The following STEAP3 variants were observed in gnomAD, a reference collection of about 807,000 sequenced individuals.
The protein encoded by STEAP3 is STEAP3 metalloreductase.
In STEAP3, 35 loss-of-function variants were observed where a neutral mutation model predicts 34.9. The ratio of observed to expected loss-of-function variants is 1.00; its 90% confidence interval spans 0.76 to 1.33. STEAP3 has a LOEUF of 1.33. Among genes scored for constraint, STEAP3 ranks in the 40% most tolerant of loss-of-function variants. STEAP3 has a pLI of 0.00. For synonymous variants in STEAP3, 281 were observed against 301.6 expected (o/e 0.93, Z 0.71); for missense variants, 652 against 667.6 (o/e 0.98, Z 0.26).
At chr2:119,227,307 C>A (rs1434209713) in intron 1 of STEAP3, among the ~76,000 whole-genome samples, 1 of 152,200 alleles carries the variant, frequency 6.6e-6, no homozygotes, top group East Asian at 1.9e-4. Flanking sequence ...ATCACAAACT[C>A]TTGCGTTGTC....
chr2:119,243,370 C>T (rs909508132), intron 2 of STEAP3, among the ~76,000 whole-genome samples: 1 of 152,182 alleles, frequency 6.6e-6, no homozygotes, highest in Non-Finnish European at 1.5e-5. Context: ...GCTCATTGTT[C>T]TCTGTCTGGG....
intron 2 of STEAP3, among the ~76,000 whole-genome samples, chr2:119,242,838 C>T (rs976326513): frequency 2.6e-5 from 4 of 152,180 alleles, no homozygotes; most frequent in Admixed American, 1.3e-4. Flanking sequence ...AGAATCCAGG[C>T]GGACTGGCTC....
At position 119,257,621 on chromosome 2, in the gene STEAP3, A is replaced by T. The variant is rs6542517; in HGVS notation, c.1215+2773A>T. On this transcript the variant is annotated intron_variant, in intron 5 of 5. Coordinates refer to ENST00000393110, the MANE Select transcript of STEAP3 (RefSeq NM_182915.3). ...CTGTGTCCACCCCATATGGTCATCAAGAGGATTTGAGCTGGACACGTTAAA... is the reference window on the plus strand; with the variant it reads ...CTGTGTCCACCCCATATGGTCATCATGAGGATTTGAGCTGGACACGTTAAA... 0.023 allele frequency: 34,635 copies of T among 1,498,542 alleles called. 1,640 individuals are homozygous for T. Among genetic ancestry groups the T allele is most frequent in the African/African-American group, 0.19 (13,232 of 70,322 alleles). 92.8% of individuals were successfully genotyped at this position (1,498,542 alleles called of 1,614,324 possible).
At chr2:119,235,993 C>T (rs1406236230) in intron 2 of STEAP3, among the ~76,000 whole-genome samples, 1 of 152,212 alleles carries the variant, frequency 6.6e-6, no homozygotes, top group Non-Finnish European at 1.5e-5. Flanking sequence ...CTCTGCTCTT[C>T]CCCCTTCTTC....
Position 119,248,221 on chromosome 2 carries a change from C to T in STEAP3, c.1050+15C>T. On this transcript the variant is annotated intron_variant, in intron 4 of 5. Coordinates refer to ENST00000393110, the MANE Select transcript of STEAP3 (RefSeq NM_182915.3). ...CAGTCAAGCAGGTACCCACCCCATG[C>T]CCTTCCTCCCTCTGGCAACTCAGCA... 1 of 1,557,230 alleles carries T rather than the reference C, an allele frequency of 6.4e-7. No individual in the cohort carries two copies. The highest frequency in any genetic ancestry group is 8.7e-7 in the Non-Finnish European group (1 of 1,150,418).
At chr2:119,226,719 C>T (rs1179834195) in intron 1 of STEAP3, among the ~76,000 whole-genome samples, 1 of 152,140 alleles carries the variant, frequency 6.6e-6, no homozygotes, top group Non-Finnish European at 1.5e-5. Flanking sequence ...GTGCTCCAAC[C>T]GTCACATCCT....
chr2:119,257,335 C>A, intron 5 of STEAP3: 1 of 1,257,780 alleles, frequency 8.0e-7, no homozygotes, highest in Non-Finnish European at 1.0e-6. Context: ...AAGCCAGAGC[C>A]CTCTTGGAGA....
At chr2:119,242,176 G>C (rs1014782033) in intron 2 of STEAP3, among the ~76,000 whole-genome samples, 1 of 152,180 alleles carries the variant, frequency 6.6e-6, no homozygotes, top group African/African-American at 2.4e-5. Context: ...GGCAGGCAGC[G>C]GGGAGAGGGC....
intron 3 of STEAP3, 50 bp downstream of exon 3, chr2:119,246,038 A>G (rs1322959000): frequency 6.4e-7 from 1 of 1,561,192 alleles, no homozygotes; most frequent in South Asian, 1.2e-5. Context: ...ATAAATGGCT[A>G]ATTTTCATCG....
At chr2:119,257,611 A>T in intron 5 of STEAP3, 1 of 1,506,204 alleles carries the variant, frequency 6.6e-7, no homozygotes, top group Non-Finnish European at 8.8e-7. Flanking sequence ...TCCACCCCAT[A>T]TGGTCATCAA....
intron 5 of STEAP3, chr2:119,257,409 A>G (rs838072): frequency 0.95 from 1,345,971 of 1,417,668 alleles, 639,100 homozygotes; most frequent in East Asian, 1. Context: ...GGCTCTGGCA[A>G]TCTATTTTTG....
At chr2:119,250,776 G>A (rs531488226) in intron 4 of STEAP3, among the ~76,000 whole-genome samples, 6 of 152,124 alleles carry the variant, frequency 3.9e-5, no homozygotes, top group Non-Finnish European at 8.8e-5. Context: ...CTGCCCTGAT[G>A]CAAATACCAG....
At chr2:119,249,394 T>C (rs1422044287) in intron 4 of STEAP3, among the ~76,000 whole-genome samples, 1 of 152,060 alleles carries the variant, frequency 6.6e-6, no homozygotes, top group Admixed American at 6.5e-5. Flanking sequence ...TCAGCAACAC[T>C]GTCTTTATTT....
rs1363509349 is a variant in STEAP3 at position 119,263,656 on chromosome 2, A to G, written c.*318A>G. The stretch of plus-strand genomic sequence containing the variant: ...CGTTAAGAGAAGAGCAGATCATGCT[A>G]TTGTGACATTTGCAGAGATATACAC... On this transcript the variant is annotated 3_prime_UTR_variant, in exon 6 of 6. Coordinates refer to ENST00000393110, the MANE Select transcript of STEAP3 (RefSeq NM_182915.3). 10 of 437,030 alleles carry G rather than the reference A, an allele frequency of 2.3e-5. No homozygotes were observed. Among genetic ancestry groups the G allele is most frequent in the South Asian group, 2.1e-5 (1 of 47,750 alleles). The allele number at this position is 437,030 out of a possible 1,614,324, so 27.1% of individuals were successfully genotyped here.
At chr2:119,254,937 G>T in intron 5 of STEAP3, 89 bp downstream of exon 5, 2 of 1,481,722 alleles carry the variant, frequency 1.3e-6, no homozygotes, top group Non-Finnish European at 1.8e-6. Context: ...GAACTGCCTG[G>T]GCTCTGATCA....
At chr2:119,224,319 A>T (rs1330346914) in intron 1 of STEAP3, among the ~76,000 whole-genome samples, 1 of 151,954 alleles carries the variant, frequency 6.6e-6, no homozygotes, top group Non-Finnish European at 1.5e-5. Context: ...TCCTCGCCAG[A>T]CCTCCCAGTC....
chr2:119,231,149 G>A, intron 2 of STEAP3, 115 bp downstream of exon 2: 1 of 1,393,116 alleles, frequency 7.2e-7, no homozygotes, highest in Non-Finnish European at 1.0e-6. Flanking sequence ...TGAATCTCCA[G>A]GAGGTCCGAG....
At chr2:119,257,989 T>G (rs1374939519) in intron 5 of STEAP3, among the ~76,000 whole-genome samples, 1 of 152,230 alleles carries the variant, frequency 6.6e-6, no homozygotes, top group Non-Finnish European at 1.5e-5. Flanking sequence ...GGCTACTCCA[T>G]AGTCAGAGCA....
intron 5 of STEAP3, among the ~76,000 whole-genome samples, chr2:119,262,335 TACACAC>T (rs3054837): frequency 2.0e-5 from 3 of 150,052 alleles, no homozygotes; most frequent in Non-Finnish European, 3.0e-5. Flanking sequence ...GTAAAATTTA[TACACAC>T]ACACACACAC....
Sources: allele counts gnomAD v4.1 joint callset (sites outside exome capture counted in the v4.1 genomes callset), GRCh38; gene constraint gnomAD v4.1.1; transcripts MANE v1.5; gene names NCBI Gene and HGNC (gene_info 2026-07-23, HGNC 2026-07-21).